NIPAL4: variants seen among roughly 807,000 people sequenced by gnomAD.
NIPAL4 encodes NIPA like domain containing 4.
Under a neutral mutation model 31.6 loss-of-function variants are expected in NIPAL4, and 21 were observed. That is an observed-to-expected ratio of 0.67 (90% confidence interval 0.47 to 0.96). The LOEUF (loss-of-function observed/expected upper bound fraction) is 0.96, where lower values mean the gene tolerates loss of function less well. Ranked by LOEUF, NIPAL4 falls within the 40% of genes least tolerant of loss-of-function variation. The probability of loss-of-function intolerance (pLI) is 0.00; values close to 1 mark genes in which losing one functional copy is unlikely to be tolerated. For missense variants in NIPAL4, 438 were observed against 508.0 expected (o/e 0.86, Z 1.32); for synonymous variants, 175 against 211.1 (o/e 0.83, Z 1.48).
At position 157,471,666 on chromosome 5, in the gene NIPAL4, C is replaced by T. The variant is rs188879373; in HGVS notation, c.435C>T (p.Leu145=). Reference sequence around the variant, plus strand: ...CCATTTCCACGTGCAGTGCCATCCTCTCCTCATATTTCCTGAGGGAGAGTC... The same window carrying T: ...CCATTTCCACGTGCAGTGCCATCCTTTCCTCATATTTCCTGAGGGAGAGTC... The part of the protein sequence containing the change: ...GALSVLISAI[L]SSYFLRESLN... Residue 145 remains leucine, a synonymous_variant, in exon 5 of 6, where the codon CTC becomes CTT. Coordinates refer to ENST00000311946, the MANE Select transcript of NIPAL4 (RefSeq NM_001099287.2). 5 of 1,607,578 alleles carry T rather than the reference C, an allele frequency of 3.1e-6. No homozygotes were observed. In the East Asian group the frequency reaches 1.1e-4, roughly 36 times the overall value.
chr5:157,467,932 T>A (rs1754322530), intron 3 of NIPAL4: 2 of 152,194 alleles, frequency 1.3e-5, no homozygotes, highest in African/African-American at 2.4e-5. Flanking sequence ...GAGACGGAGT[T>A]TCACTCTTGT....
At position 157,463,130 on chromosome 5, in the gene NIPAL4, T is replaced by C. The variant is rs755517363; in HGVS notation, c.74T>C (p.Val25Ala). The C allele has an allele frequency of 1.9e-6, 3 of 1,613,966 alleles. No individual in the cohort carries two copies. The highest frequency in any genetic ancestry group is 2.5e-6 in the Non-Finnish European group (3 of 1,179,870). Reference protein sequence around the residue: ...LLHLYCSSQEVLCQIVNDLSP... With the variant: ...LLHLYCSSQEALCQIVNDLSP... ...CACCTCTACTGCTCCTCCCAAGAAGTCCTGTGCCAGATTGTCAATGACCTC... is the reference window on the plus strand; with the variant it reads ...CACCTCTACTGCTCCTCCCAAGAAGCCCTGTGCCAGATTGTCAATGACCTC... Residue 25 changes from valine to alanine, a missense_variant, in exon 2 of 6, where the codon GTC becomes GCC. Val to Ala is a moderately conservative substitution (Grantham distance 64, BLOSUM62 0). Transcript: ENST00000311946.
At chr5:157,462,553 T>C (rs1265583874) in intron 1 of NIPAL4, among the ~76,000 whole-genome samples, 2 of 152,166 alleles carry the variant, frequency 1.3e-5, no homozygotes, top group East Asian at 1.9e-4. Flanking sequence ...ACCTGCTTTA[T>C]TGAGGTGTGT....
intron 4 of NIPAL4, among the ~76,000 whole-genome samples, chr5:157,469,622 A>C (rs1754370024): frequency 6.6e-6 from 1 of 152,168 alleles, no homozygotes; most frequent in Non-Finnish European, 1.5e-5. Flanking sequence ...TTGATACTAA[A>C]TGTCTGTGCT....
Position 157,466,954 on chromosome 5 carries a change from C to A in NIPAL4, c.278-95C>A, listed in dbSNP as rs545168976. On this transcript the variant is annotated intron_variant, in intron 2 of 5. Coordinates refer to ENST00000311946, the MANE Select transcript of NIPAL4 (RefSeq NM_001099287.2). ...CCCAGAACCAAGCCTCAAGGAGCAG[C>A]CCTTAGAGGCCGGGGAGTGAGCAGA... 4.5e-6 allele frequency: 4 copies of A among 896,768 alleles called. No individual in the cohort carries two copies. In the African/African-American group the frequency reaches 6.6e-5, roughly 15 times the overall value. The allele number at this position is 896,768 out of a possible 1,614,324, so 55.6% of individuals were successfully genotyped here.
rs1020973839 is a variant in NIPAL4, at chr5:157,460,365, C to T, written c.37+8C>T. On this transcript the variant is annotated splice_region_variant and intron_variant, in intron 1 of 5. Transcript: ENST00000311946. ...ACACCAGCTGCGAGAACGGTGCGTA[C>T]GGCAGGGCTGGGGACCAGGCGGGCT... The T allele has an allele frequency of 3.3e-5, 51 of 1,542,836 alleles. No individual in the cohort carries two copies. In the African/African-American group the frequency reaches 4.0e-4, roughly 12 times the overall value.
In NIPAL4 at chr5:157,460,274, G is replaced by C; in HGVS notation, c.-47G>C. On this transcript the variant is annotated 5_prime_UTR_variant, in exon 1 of 6. Transcript: ENST00000311946. ...CGGCCACCTGCTCCGGAGCTGGGGA[G>C]CCCGGGCGCCGTCCGCCCGCGCGTC... 10 of 1,545,576 alleles carry C rather than the reference G, an allele frequency of 6.5e-6. No homozygotes were observed. Among genetic ancestry groups the C allele is most frequent in the Non-Finnish European group, 8.7e-6 (10 of 1,144,984 alleles).
chr5:157,467,179 G>A, intron 3 of NIPAL4, 74 bp downstream of exon 3: 2 of 1,013,284 alleles, frequency 2.0e-6, no homozygotes, highest in Non-Finnish European at 1.6e-6. Flanking sequence ...GGGGTGGGTA[G>A]GGCATTTTTG....
At chr5:157,465,355 G>A (rs955282557) in intron 2 of NIPAL4, among the ~76,000 whole-genome samples, 2 of 152,138 alleles carry the variant, frequency 1.3e-5, no homozygotes, top group Admixed American at 1.3e-4. Flanking sequence ...AACCCTTAGA[G>A]TAAAATGTTC....
At chr5:157,468,657 A>G in intron 3 of NIPAL4, 65 bp from the exon 4 acceptor site, 1 of 917,932 alleles carries the variant, frequency 1.1e-6, no homozygotes, top group Non-Finnish European at 1.8e-6. Flanking sequence ...ACACGGAATT[A>G]TTCGTCTGGA....
In NIPAL4 at chr5:157,472,889, G is replaced by A; in HGVS notation, c.1144G>A (p.Val382Met). ...VIRLEDKNVL[V>M]DNIELASTSS... Reference sequence around the variant, plus strand: ...TAGACTGGAAGACAAGAACGTCCTTGTGGACAATATAGAACTTGCCAGCAC... The same window carrying A: ...TAGACTGGAAGACAAGAACGTCCTTATGGACAATATAGAACTTGCCAGCAC... Residue 382 changes from valine to methionine, a missense_variant, in exon 6 of 6, where the codon GTG becomes ATG. Physicochemically the swap from Val to Met is conservative, Grantham distance 21. Coordinates refer to ENST00000311946, the MANE Select transcript of NIPAL4 (RefSeq NM_001099287.2). The A allele has an allele frequency of 1.9e-6, 3 of 1,556,130 alleles. No homozygotes were observed. In the South Asian group the frequency reaches 3.7e-5, roughly 19 times the overall value.
rs745575717 is a variant in NIPAL4 at position 157,472,335 on chromosome 5, T to G, written c.590T>G (p.Phe197Cys). ...CCTTCTCTCTCTCCTCCCAAAGGGT[T>G]CATCGTGTTTGCTGTGCTTCTGCTG... Reference protein sequence around the residue: ...EMASKMKDTGFIVFAVLLLVS... With the variant: ...EMASKMKDTGCIVFAVLLLVS... Residue 197 changes from phenylalanine to cysteine, a missense_variant, in exon 6 of 6, where the codon TTC (phenylalanine) becomes TGC (cysteine). Physicochemically the swap from Phe to Cys is radical, Grantham distance 205 (BLOSUM62 -2). Transcript: ENST00000311946. 21 of 1,600,150 alleles carry G rather than the reference T, an allele frequency of 1.3e-5. No individual in the cohort carries two copies. The highest frequency in any genetic ancestry group is 1.7e-6 in the Non-Finnish European group (2 of 1,175,266).
In NIPAL4 at chr5:157,468,571, G is replaced by T. The variant is rs369265217; in HGVS notation, c.335-151G>T. 1.2e-4 allele frequency: 71 copies of T among 611,390 alleles called. 1 individual carries two copies. The South Asian group carries it at 1.4e-3, about 12-fold the overall frequency. The allele number at this position is 611,390 out of a possible 1,614,324, so 37.9% of individuals were successfully genotyped here. Reference sequence around the variant, plus strand: ...TCTGGACAGACTGGGACTGACCTTCGATCAGACTCTCCAGGGAGAGAGCGT... The same window carrying T: ...TCTGGACAGACTGGGACTGACCTTCTATCAGACTCTCCAGGGAGAGAGCGT... On this transcript the variant is annotated intron_variant, in intron 3 of 5. Transcript: ENST00000311946.
intron 2 of NIPAL4, among the ~76,000 whole-genome samples, chr5:157,464,108 G>A (rs941813492): frequency 3.3e-5 from 5 of 152,134 alleles, no homozygotes; most frequent in African/African-American, 1.2e-4. Context: ...TGGGGGATTA[G>A]GGGAGGTTTC....
chr5:157,463,736 G>A (rs948643784), intron 2 of NIPAL4, among the ~76,000 whole-genome samples: 3 of 152,180 alleles, frequency 2.0e-5, no homozygotes, highest in Non-Finnish European at 4.4e-5. Context: ...AATGTCAGAC[G>A]CTGGTGTGCC....
intron 4 of NIPAL4, among the ~76,000 whole-genome samples, chr5:157,469,070 G>A (rs1754356730): frequency 6.6e-6 from 1 of 152,176 alleles, no homozygotes; most frequent in Admixed American, 6.5e-5. Flanking sequence ...CCGTCACCAG[G>A]GTGAACGGCG....
intron 3 of NIPAL4, chr5:157,467,910 A>G (rs6878502): frequency 2.0e-5 from 3 of 152,028 alleles, no homozygotes; most frequent in Admixed American, 2.0e-4. Context: ...TTAATTAATT[A>G]ATTTATTTAT....
At chr5:157,464,427 T>C (rs192930413) in intron 2 of NIPAL4, among the ~76,000 whole-genome samples, 2 of 152,216 alleles carry the variant, frequency 1.3e-5, no homozygotes, top group East Asian at 3.9e-4. Context: ...TTTGAAAAGA[T>C]CCCTGGTTGC....
In NIPAL4 at chr5:157,471,732, C is replaced by T. The variant is rs375721791; in HGVS notation, c.501C>T (p.Ala167=). The change falls in exon 5 of 6, where the codon GCC becomes GCT. Residue 167 remains alanine, a synonymous_variant. Transcript: ENST00000311946. ...LGKLGCVICV[A]GSTVMVIHAP... is the part of the protein sequence containing the mutation. ...AGCTGGGCTGTGTGATCTGTGTGGC[C>T]GGAAGCACAGTGATGGTGATACATG... 1.1e-5 allele frequency: 18 copies of T among 1,606,880 alleles called. No homozygotes were observed. The highest frequency in any genetic ancestry group is 5.1e-5 in the Admixed American group (3 of 59,018).
Sources: gnomAD v4.1 joint callset for allele counts (sites outside exome capture counted in the v4.1 genomes callset) on GRCh38, gnomAD v4.1.1 for gene constraint, MANE v1.5 for transcripts, NCBI Gene and HGNC (gene_info 2026-07-23, HGNC 2026-07-21) for gene names.